PPIL6: variants seen among roughly 807,000 people sequenced by gnomAD.
PPIL6 encodes probable inactive peptidyl-prolyl cis-trans isomerase-like 6.
In PPIL6, 39 loss-of-function variants were observed where a neutral mutation model predicts 36.8. That is an observed-to-expected ratio of 1.06 (90% confidence interval 0.82 to 1.38). The LOEUF (loss-of-function observed/expected upper bound fraction) is 1.38, where lower values mean the gene tolerates loss of function less well. Ranked by LOEUF, PPIL6 falls within the 40% of genes most tolerant of loss-of-function variation. The pLI, the probability that PPIL6 is intolerant of heterozygous loss-of-function variation, is 0.00. For missense variants in PPIL6, 368 were observed against 379.1 expected (o/e 0.97, Z 0.24); for synonymous variants, 123 against 134.1 (o/e 0.92, Z 0.57).
At chr6:109,437,097 T>G (rs147250959) in intron 1 of PPIL6, among the ~76,000 whole-genome samples, 67 of 152,388 alleles carry the variant, frequency 4.4e-4, no homozygotes, top group South Asian at 2.1e-3. Context: ...TAGTTTGACA[T>G]AGATTGTCTG....
At chr6:109,441,050 G>A, upstream of PPIL6, 2 of 1,520,972 alleles carry the variant, frequency 1.3e-6, no homozygotes, top group South Asian at 1.1e-5. Context: ...AGGCGCCGCC[G>A]GCCGCCCCCG....
intron 7 of PPIL6, among the ~76,000 whole-genome samples, chr6:109,394,661 TG>T (rs1427423271): frequency 2.6e-5 from 4 of 152,168 alleles, no homozygotes; most frequent in Non-Finnish European, 5.9e-5. Context: ...GCTCTATTTT[TG>T]CCATCCCAAT....
chr6:109,395,059 C>G (rs1772239567), intron 7 of PPIL6, among the ~76,000 whole-genome samples: 2 of 152,168 alleles, frequency 1.3e-5, no homozygotes, highest in African/African-American at 4.8e-5. Context: ...AGGAGTTACT[C>G]TAGACCTGCA....
chr6:109,435,140 G>A (rs1050396707), intron 2 of PPIL6, among the ~76,000 whole-genome samples: 1 of 152,102 alleles, frequency 6.6e-6, no homozygotes, highest in African/African-American at 2.4e-5. Context: ...GGGCCAAGAG[G>A]GCCAGGCCAC....
At chr6:109,431,124 C>T in intron 3 of PPIL6, 33 bp downstream of exon 3, 1 of 1,482,234 alleles carries the variant, frequency 6.7e-7, no homozygotes, top group African/African-American at 1.4e-5. Flanking sequence ...TCAAAGATTC[C>T]ACAATTTTTC....
chr6:109,394,392 A>C lies in PPIL6; in HGVS notation c.825-1455T>G, dbSNP rs970101497. Among the ~76,000 whole-genome samples the C allele has an allele frequency of 8.6e-5, 13 of 150,908 alleles. 1 individual carries two copies. The highest frequency in any genetic ancestry group is 2.6e-4 in the Admixed American group (4 of 15,128). ...TCTCAAAAAAAAAAAAAAAAAAAAA[A>C]GCCATGCTAGTTTACATCTCTGTAG... On this transcript the variant is annotated intron_variant, in intron 7 of 7. Coordinates refer to ENST00000521072, the MANE Select transcript of PPIL6 (RefSeq NM_173672.5).
chr6:109,407,300 C>T (rs531541439), intron 6 of PPIL6, among the ~76,000 whole-genome samples: 35 of 151,206 alleles, frequency 2.3e-4, no homozygotes, highest in African/African-American at 6.1e-4. Context: ...ACTGCAGTGG[C>T]GCTATCTCGG....
intron 6 of PPIL6, among the ~76,000 whole-genome samples, chr6:109,418,497 T>C (rs1773375687): frequency 6.6e-6 from 1 of 152,178 alleles, no homozygotes; most frequent in South Asian, 2.1e-4. Context: ...TGTCACCTGC[T>C]TTTGTTGTAA....
chr6:109,400,918 G>A (rs975553203), intron 6 of PPIL6, among the ~76,000 whole-genome samples: 2 of 152,066 alleles, frequency 1.3e-5, no homozygotes, highest in South Asian at 4.1e-4. Flanking sequence ...GGAGTGCAGT[G>A]GTGCGATCTC....
At chr6:109,394,591 T>TAA (rs1772222300) in intron 7 of PPIL6, among the ~76,000 whole-genome samples, 1 of 152,114 alleles carries the variant, frequency 6.6e-6, no homozygotes, top group African/African-American at 2.4e-5. Context: ...CTCATGAGCC[T>TAA]TTATAGGAGC....
Position 109,390,416 on chromosome 6 carries a change from A to G in PPIL6, c.*2410T>C, listed in dbSNP as rs186664225. The stretch of plus-strand genomic sequence containing the variant: ...AGTTTGTGCAGCTAGGGAATGGCAG[A>G]GCCAGGATTCTGGCCCTAGAACACA... On this transcript the variant is annotated 3_prime_UTR_variant, in exon 8 of 8. Transcript: ENST00000521072. 1.3e-5 allele frequency: 2 copies of G among 152,360 alleles called. No homozygotes were observed. The highest frequency in any genetic ancestry group is 6.5e-5 in the Admixed American group (1 of 15,306). 9.4% of individuals were successfully genotyped at this position (152,360 alleles called of 1,614,324 possible). A position where few individuals can be genotyped will look rare whatever the true frequency, so the allele number is the denominator to read the frequency against.
chr6:109,393,647 A>G (rs879681803), intron 7 of PPIL6, among the ~76,000 whole-genome samples: 3 of 152,130 alleles, frequency 2.0e-5, no homozygotes, highest in Non-Finnish European at 2.9e-5. Flanking sequence ...GGGCCTGCAC[A>G]GTCTATCTCC....
chr6:109,425,102 A>G (rs1210746609), intron 5 of PPIL6, among the ~76,000 whole-genome samples: 3 of 152,174 alleles, frequency 2.0e-5, no homozygotes, highest in Non-Finnish European at 4.4e-5. Flanking sequence ...AGAGTTTGGC[A>G]CTTCCAACAC....
chr6:109,435,384 G>T (rs767368387), intron 2 of PPIL6, among the ~76,000 whole-genome samples: 1 of 146,870 alleles, frequency 6.8e-6, no homozygotes, highest in Non-Finnish European at 1.5e-5. Context: ...TGCAACCTCC[G>T]ACTTCTTGGT....
chr6:109,431,578 A>G (rs1488299711), intron 2 of PPIL6, among the ~76,000 whole-genome samples: 2 of 152,252 alleles, frequency 1.3e-5, no homozygotes, highest in African/African-American at 4.8e-5. Context: ...AAAAAGTATC[A>G]TAAAAATGTT....
At chr6:109,425,214 T>C (rs1773751791) in intron 5 of PPIL6, among the ~76,000 whole-genome samples, 1 of 152,232 alleles carries the variant, frequency 6.6e-6, no homozygotes, top group South Asian at 2.1e-4. Flanking sequence ...CTTATCAAGA[T>C]GGTATAACTT....
Position 109,426,934 on chromosome 6 carries a change from C to T in PPIL6, c.544G>A (p.Ala182Thr). The stretch of plus-strand genomic sequence containing the variant: ...CTTATGCCACGTTGAGAAAACCCTG[C>T]TTTTCCTGTGCACAAGACCTGAAAA... ...KNFQVLCTGK[A>T]GFSQRGIRLH... Residue 182 changes from alanine to threonine, a missense_variant, in exon 5 of 8, where the codon GCA becomes ACA. Ala to Thr is a moderately conservative substitution (Grantham distance 58, BLOSUM62 0). Transcript: ENST00000521072. 2 of 1,608,254 alleles carry T rather than the reference C, an allele frequency of 1.2e-6. No homozygotes were observed. Among genetic ancestry groups the T allele is most frequent in the Non-Finnish European group, 1.7e-6 (2 of 1,175,400 alleles).
intron 6 of PPIL6, chr6:109,403,019 T>G (rs765455583): frequency 1.7e-5 from 26 of 1,517,470 alleles, no homozygotes; most frequent in Middle Eastern, 3.4e-4. Context: ...CACTCTTTAA[T>G]CGTCTGCTCA....
chr6:109,398,183 T>C (rs780222269), intron 7 of PPIL6, among the ~76,000 whole-genome samples: 19 of 152,192 alleles, frequency 1.2e-4, no homozygotes, highest in East Asian at 5.8e-4. Flanking sequence ...AGCCACCGCG[T>C]CCAGCCTTAA....
Sources: allele counts gnomAD v4.1 joint callset (sites outside exome capture counted in the v4.1 genomes callset), GRCh38; gene constraint gnomAD v4.1.1; transcripts MANE v1.5; gene names NCBI Gene and HGNC (gene_info 2026-07-23, HGNC 2026-07-21).